Variants in MAP3K5 observed in about 807,000 individuals in gnomAD.
MAP3K5 encodes mitogen-activated protein kinase kinase kinase 5.
A neutral mutation model predicts 158.7 loss-of-function variants in MAP3K5; 56 were observed. That is an observed-to-expected ratio of 0.35 (90% CI 0.28 to 0.44). MAP3K5 has a LOEUF of 0.44. MAP3K5 is among the 20% of genes least tolerant of loss of function. The probability of loss-of-function intolerance (pLI) is 1.00; values close to 1 mark genes in which losing one functional copy is unlikely to be tolerated. For missense variants in MAP3K5, 1,294 were observed against 1,674.8 expected (o/e 0.77, Z 3.97); for synonymous variants, 579 against 601.7 (o/e 0.96, Z 0.55).
intron 21 of MAP3K5, among the ~76,000 whole-genome samples, chr6:136,596,894 C>T (rs150866143): frequency 1.1e-4 from 16 of 152,240 alleles, no homozygotes; most frequent in African/African-American, 3.4e-4. Context: ...CAGGGGAGCA[C>T]GGTGACAGTT....
In MAP3K5 at chr6:136,756,819, T is replaced by C. The variant is rs1014454565; in HGVS notation, c.448+34891A>G. 2.6e-5 allele frequency among the ~76,000 whole-genome samples: 4 copies of C among 152,234 alleles called. No individual in the cohort carries two copies. In the East Asian group the frequency reaches 7.7e-4, roughly 29 times the overall value. On this transcript the variant is annotated intron_variant, in intron 1 of 29. Coordinates refer to ENST00000359015, the MANE Select transcript of MAP3K5 (RefSeq NM_005923.4). Reference sequence around the variant, plus strand: ...CTTTTTCTAGATTATCAGAGCATTGTCAGCACTGAGGGGCTGATGGCCCGG... The same window carrying C: ...CTTTTTCTAGATTATCAGAGCATTGCCAGCACTGAGGGGCTGATGGCCCGG...
chr6:136,737,041 A>ATATATATATATATGTGTG (rs1782502915), intron 1 of MAP3K5, among the ~76,000 whole-genome samples: 12 of 143,230 alleles, frequency 8.4e-5, no homozygotes, highest in African/African-American at 3.1e-4. Context: ...GTGTGTGTAT[A>ATATATATATATATGTGTG]TATATATATA....
chr6:136,653,595 A>G (rs1299403167), intron 10 of MAP3K5, among the ~76,000 whole-genome samples: 1 of 152,192 alleles, frequency 6.6e-6, no homozygotes, highest in Non-Finnish European at 1.5e-5. Flanking sequence ...AAGTGGTTAC[A>G]ACTTATTACC....
intron 1 of MAP3K5, among the ~76,000 whole-genome samples, chr6:136,725,903 G>C (rs977051393): frequency 1.3e-5 from 2 of 152,146 alleles, no homozygotes; most frequent in Admixed American, 6.5e-5. Flanking sequence ...ATTCATATTT[G>C]CTGTAAAGAC....
At chr6:136,715,565 T>A (rs1167911756) in intron 2 of MAP3K5, among the ~76,000 whole-genome samples, 4 of 152,206 alleles carry the variant, frequency 2.6e-5, no homozygotes, top group Non-Finnish European at 5.9e-5. Context: ...TATCCTTTTA[T>A]AACACAAGTG....
chr6:136,654,709 G>T (rs1369397680), intron 10 of MAP3K5, among the ~76,000 whole-genome samples: 1 of 152,080 alleles, frequency 6.6e-6, no homozygotes, highest in Admixed American at 6.6e-5. Flanking sequence ...GTCTCCCAAA[G>T]TGCTGGGATT....
chr6:136,698,708 G>C (rs774368523), intron 3 of MAP3K5, 26 bp from the exon 4 acceptor site: 83 of 1,581,708 alleles, frequency 5.2e-5, no homozygotes, highest in Non-Finnish European at 6.8e-5. Context: ...GCATCGGCAA[G>C]TGGGGAGCTG....
intron 3 of MAP3K5, among the ~76,000 whole-genome samples, chr6:136,701,098 G>T (rs573220132): frequency 6.6e-6 from 1 of 152,294 alleles, no homozygotes; most frequent in African/African-American, 2.4e-5. Context: ...AAGGCTTAGA[G>T]AGATCGTACA....
chr6:136,769,228 T>C (rs945114008), intron 1 of MAP3K5, among the ~76,000 whole-genome samples: 54 of 152,336 alleles, frequency 3.5e-4, no homozygotes, highest in African/African-American at 1.1e-3. Flanking sequence ...GAAAGCATTA[T>C]GCTAAGTGAA....
intron 12 of MAP3K5, among the ~76,000 whole-genome samples, chr6:136,641,429 A>C (rs945055931): frequency 6.6e-6 from 1 of 152,204 alleles, no homozygotes; most frequent in African/African-American, 2.4e-5. Context: ...TTTGGTTTGA[A>C]ATCTGCAAGA....
chr6:136,668,662 A>G (rs1779334378), intron 8 of MAP3K5, among the ~76,000 whole-genome samples: 1 of 152,190 alleles, frequency 6.6e-6, no homozygotes, highest in East Asian at 1.9e-4. Flanking sequence ...GTTCACTAAG[A>G]TGCCCTAACT....
intron 1 of MAP3K5, among the ~76,000 whole-genome samples, chr6:136,746,342 T>C (rs1467770064): frequency 6.6e-6 from 1 of 152,158 alleles, no homozygotes; most frequent in Non-Finnish European, 1.5e-5. Context: ...TGAAAAACGA[T>C]ACAGGTGGAA....
Position 136,792,304 on chromosome 6 carries a change from C to T in MAP3K5, c.-147G>A. On this transcript the variant is annotated 5_prime_UTR_variant, in exon 1 of 30. Coordinates refer to ENST00000359015, the MANE Select transcript of MAP3K5 (RefSeq NM_005923.4). The surrounding 1 kb of genome is among the most constrained non-coding windows in gnomAD (Gnocchi z 5.7). ...TCGCCGCCGCGCCGCCGCCTCCTCT[C>T]CGGCGCCCTCTCCCCCGAGGGCACG... The T allele has an allele frequency of 9.5e-7, 1 of 1,049,114 alleles. No individual in the cohort carries two copies. The highest frequency in any genetic ancestry group is 1.1e-6 in the Non-Finnish European group (1 of 877,564). 65.0% of individuals were successfully genotyped at this position (1,049,114 alleles called of 1,614,324 possible). A position where few individuals can be genotyped will look rare whatever the true frequency, so the allele number is the denominator to read the frequency against.
chr6:136,633,352 C>G (rs367653492), intron 14 of MAP3K5, among the ~76,000 whole-genome samples: 1 of 151,812 alleles, frequency 6.6e-6, no homozygotes, highest in African/African-American at 2.4e-5. Flanking sequence ...AAGCCAAGAT[C>G]ATGCCACTGC....
chr6:136,747,497 C>T (rs1268310120), intron 1 of MAP3K5, among the ~76,000 whole-genome samples: 2 of 152,154 alleles, frequency 1.3e-5, no homozygotes, highest in Non-Finnish European at 2.9e-5. Flanking sequence ...GAACCGAAAA[C>T]CCACCACAAT....
chr6:136,681,595 T>C (rs1343254344), intron 7 of MAP3K5, among the ~76,000 whole-genome samples: 1 of 152,148 alleles, frequency 6.6e-6, no homozygotes, highest in Non-Finnish European at 1.5e-5. Flanking sequence ...ATCACACCCC[T>C]GCACTCCAGC....
chr6:136,597,112 G>A (rs1372350661), intron 21 of MAP3K5, among the ~76,000 whole-genome samples: 1 of 152,178 alleles, frequency 6.6e-6, no homozygotes, highest in Non-Finnish European at 1.5e-5. Context: ...TCTGAGGATA[G>A]GACATGTCAA....
At chr6:136,568,593 G>A (rs959202533) in intron 25 of MAP3K5, among the ~76,000 whole-genome samples, 5 of 152,096 alleles carry the variant, frequency 3.3e-5, no homozygotes, top group African/African-American at 1.2e-4. Context: ...ATGATATTGT[G>A]GCTGGGCACA....
chr6:136,603,087 T>C (rs9376214), intron 19 of MAP3K5, among the ~76,000 whole-genome samples: 2,173 of 152,178 alleles, frequency 0.014, 36 homozygotes, highest in East Asian at 0.082. Context: ...GTAAGAATTA[T>C]ATAGCCGATA....
Sources: gnomAD v4.1 joint callset for allele counts (sites outside exome capture counted in the v4.1 genomes callset) on GRCh38, gnomAD v4.1.1 for gene constraint, Gnocchi (gnomAD v3.1) non-coding constraint, MANE v1.5 for transcripts, NCBI Gene and HGNC (gene_info 2026-07-23, HGNC 2026-07-21) for gene names.